MAD1L1: variants seen among roughly 807,000 people sequenced by gnomAD.
MAD1L1 encodes mitotic arrest deficient 1 like 1, also known as mitotic spindle assembly checkpoint protein MAD1.
A neutral mutation model predicts 96.9 loss-of-function variants in MAD1L1; 95 were observed. The ratio of observed to expected loss-of-function variants is 0.98; its 90% confidence interval spans 0.83 to 1.16. MAD1L1 has a LOEUF of 1.16. MAD1L1 is among the 50% of genes most tolerant of loss of function. The pLI, the probability that MAD1L1 is intolerant of heterozygous loss-of-function variation, is 0.00. For missense variants in MAD1L1, 1,007 were observed against 954.4 expected, an observed-to-expected ratio of 1.06 and a Z score of -0.73; for synonymous variants, 473 against 396.6, an observed-to-expected ratio of 1.19 and a Z score of -2.29.
intron 16 of MAD1L1, among the ~76,000 whole-genome samples, chr7:1,956,896 G>GT (rs1779752290): frequency 2.0e-5 from 3 of 152,238 alleles, no homozygotes; most frequent in African/African-American, 7.2e-5. Flanking sequence ...CAGGGAAGCC[G>GT]TAAGTGGTGC....
At chr7:2,078,813 G>A (rs3778946) in intron 11 of MAD1L1, among the ~76,000 whole-genome samples, 96,111 of 152,056 alleles carry the variant, frequency 0.63, 30,503 homozygotes, top group Admixed American at 0.7. Context: ...ACCAGAATCT[G>A]GGAGGACAGC....
At chr7:1,832,029 A>T (rs1428132622) in intron 18 of MAD1L1, among the ~76,000 whole-genome samples, 2 of 152,234 alleles carry the variant, frequency 1.3e-5, no homozygotes, top group African/African-American at 4.8e-5. Context: ...TTATTATTTA[A>T]GAAATACATT....
intron 11 of MAD1L1, among the ~76,000 whole-genome samples, chr7:2,123,806 G>A (rs928179296): frequency 6.6e-6 from 1 of 152,230 alleles, no homozygotes; most frequent in African/African-American, 2.4e-5. Flanking sequence ...TTCCTGCTGT[G>A]CAAAGAATCA....
At chr7:1,876,414 C>A (rs557006619) in intron 18 of MAD1L1, among the ~76,000 whole-genome samples, 2 of 152,006 alleles carry the variant, frequency 1.3e-5, no homozygotes, top group South Asian at 2.1e-4. Context: ...CCGTCCTCAC[C>A]CACCGAGACC....
At chr7:2,210,311 TC>T in intron 10 of MAD1L1, among the ~76,000 whole-genome samples, 1 of 152,034 alleles carries the variant, frequency 6.6e-6, no homozygotes, top group South Asian at 2.1e-4. Context: ...GCTCGAGCAA[TC>T]CCCCTGCGGC....
intron 5 of MAD1L1, among the ~76,000 whole-genome samples, chr7:2,222,051 T>G (rs1793634921): frequency 6.7e-6 from 1 of 150,322 alleles, no homozygotes; most frequent in Non-Finnish European, 1.5e-5. Context: ...AAATTCATAA[T>G]TACAAAGGCA....
chr7:2,229,954 C>A (rs1794109401), intron 3 of MAD1L1, 30 bp downstream of exon 3: 1 of 1,609,332 alleles, frequency 6.2e-7, no homozygotes. Flanking sequence ...CTCCCCAGAG[C>A]AGACTCCCAC....
At chr7:1,896,859 C>A (rs1245537336) in intron 18 of MAD1L1, among the ~76,000 whole-genome samples, 1 of 152,196 alleles carries the variant, frequency 6.6e-6, no homozygotes, top group Admixed American at 6.5e-5. Flanking sequence ...TCATGGTACA[C>A]CTTTATTAAT....
chr7:2,069,138 G>A (rs950106603), intron 12 of MAD1L1, 56 bp downstream of exon 12: 90 of 1,511,550 alleles, frequency 6.0e-5, no homozygotes, highest in Non-Finnish European at 7.7e-5. Context: ...CTAACCAGGT[G>A]TGCACTGACC....
intron 18 of MAD1L1, among the ~76,000 whole-genome samples, chr7:1,824,479 C>A (rs997406022): frequency 6.6e-6 from 1 of 152,204 alleles, no homozygotes; most frequent in Admixed American, 6.5e-5. Flanking sequence ...CACGTTACCC[C>A]GGGCCATGAG....
At chr7:1,985,585 C>T (rs1050143261) in intron 14 of MAD1L1, among the ~76,000 whole-genome samples, 4 of 152,242 alleles carry the variant, frequency 2.6e-5, no homozygotes, top group African/African-American at 9.6e-5. Flanking sequence ...CTCTCAACAG[C>T]GAAGCCGCCA....
intron 17 of MAD1L1, among the ~76,000 whole-genome samples, chr7:1,914,166 G>A (rs118009319): frequency 6.6e-6 from 1 of 152,222 alleles, no homozygotes; most frequent in African/African-American, 2.4e-5. Flanking sequence ...CCCCTGGCCA[G>A]TGCTGGCCTG....
At chr7:2,162,659 G>C (rs1465903737) in intron 10 of MAD1L1, among the ~76,000 whole-genome samples, 1 of 112,000 alleles carries the variant, frequency 8.9e-6, no homozygotes, top group African/African-American at 3.6e-5. Context: ...TCCATTAAAA[G>C]AGGAAAACAC....
chr7:2,152,065 C>G (rs1789602798), intron 10 of MAD1L1, among the ~76,000 whole-genome samples: 1 of 152,198 alleles, frequency 6.6e-6, no homozygotes, highest in Non-Finnish European at 1.5e-5. Context: ...GTGGGTGTGA[C>G]CTGGAGTTGT....
At chr7:1,948,511 C>T (rs1038832145) in intron 16 of MAD1L1, among the ~76,000 whole-genome samples, 3 of 152,176 alleles carry the variant, frequency 2.0e-5, no homozygotes, top group Non-Finnish European at 4.4e-5. Flanking sequence ...CTGAGGCCAC[C>T]GCACAGCTCC....
At chr7:2,152,882 C>T (rs539391319) in intron 10 of MAD1L1, among the ~76,000 whole-genome samples, 10 of 152,088 alleles carry the variant, frequency 6.6e-5, no homozygotes, top group South Asian at 2.1e-4. Context: ...GGACATGCAC[C>T]GTGGAGGCGG....
At chr7:1,987,628 G>A (rs528784473) in intron 14 of MAD1L1, among the ~76,000 whole-genome samples, 2 of 152,292 alleles carry the variant, frequency 1.3e-5, no homozygotes, top group Non-Finnish European at 2.9e-5. Context: ...GGGTGCTCTC[G>A]GCACCAACTG....
At chr7:1,929,151 TCCTCCCCTCCCGGG>T (rs1789278954) in intron 17 of MAD1L1, among the ~76,000 whole-genome samples, 1 of 151,176 alleles carries the variant, frequency 6.6e-6, no homozygotes, top group African/African-American at 2.4e-5. Context: ...TTCCCCTCCC[TCCTCCCCTCCCGGG>T]CCTCCCCTCT....
intron 10 of MAD1L1, among the ~76,000 whole-genome samples, chr7:2,172,178 G>A (rs1790738202): frequency 6.6e-6 from 1 of 152,176 alleles, no homozygotes. Context: ...AGCAGCACCT[G>A]GAAAGGGCCT....
Sources: gnomAD v4.1 joint callset for allele counts (sites outside exome capture counted in the v4.1 genomes callset) on GRCh38, gnomAD v4.1.1 for gene constraint, MANE v1.5 for transcripts, NCBI Gene and HGNC (gene_info 2026-07-23, HGNC 2026-07-21) for gene names.